KHDRBS2: variants seen among roughly 807,000 people sequenced by gnomAD.
KHDRBS2 encodes KH RNA binding domain containing, signal transduction associated 2.
A neutral mutation model predicts 44.3 loss-of-function variants in KHDRBS2; 26 were observed. That is an observed-to-expected ratio of 0.59 (90% CI 0.43 to 0.81). The LOEUF is 0.81. Among genes scored for constraint, KHDRBS2 ranks in the 40% least tolerant of loss-of-function variants. The probability of loss-of-function intolerance (pLI) is 0.00; values close to 1 mark genes in which losing one functional copy is unlikely to be tolerated. For synonymous variants in KHDRBS2, 194 were observed against 151.1 expected (o/e 1.28, Z -2.08); for missense variants, 476 against 433.1 (o/e 1.10, Z -0.88).
chr6:61,763,315 T>C (rs1779540870), intron 6 of KHDRBS2, among the ~76,000 whole-genome samples: 1 of 152,192 alleles, frequency 6.6e-6, no homozygotes, highest in African/African-American at 2.4e-5. Flanking sequence ...TAAACAAATG[T>C]TTATACATTA....
rs1802606770 is a variant in KHDRBS2, at chr6:61,894,742, C to G, written c.703G>C (p.Val235Leu). 6.2e-7 allele frequency: 1 copy of G among 1,613,588 alleles called. No individual in the cohort carries two copies. The highest frequency in any genetic ancestry group is 1.7e-5 in the Admixed American group (1 of 59,960). Residue 235 changes from valine to leucine, a missense_variant, in exon 6 of 9, where the codon GTG becomes CTG. By Grantham distance (32) the Val-to-Leu change is conservative. Coordinates refer to ENST00000281156, the MANE Select transcript of KHDRBS2 (RefSeq NM_152688.4). Reference sequence around the variant, plus strand: ...GGGACACCTCTTGCTACAGGTGGCACTGGAAGCGCTCCACGGGTTACAGTG... The same window carrying G: ...GGGACACCTCTTGCTACAGGTGGCAGTGGAAGCGCTCCACGGGTTACAGTG... The part of the protein sequence containing the change: ...GSTVTRGALP[V>L]PPVARGVPTP...
chr6:62,169,280 G>A (rs1819525485), intron 2 of KHDRBS2, among the ~76,000 whole-genome samples: 1 of 150,556 alleles, frequency 6.6e-6, no homozygotes, highest in South Asian at 2.1e-4. Context: ...GCAAAGCTGG[G>A]CTAACTCATA....
intron 6 of KHDRBS2, among the ~76,000 whole-genome samples, chr6:61,765,515 T>TA (rs1779877667): frequency 6.6e-6 from 1 of 152,146 alleles, no homozygotes; most frequent in African/African-American, 2.4e-5. Context: ...ATTCTTTTTT[T>TA]ATTTTTAATT....
At chr6:61,810,308 G>C (rs1447455117) in intron 6 of KHDRBS2, among the ~76,000 whole-genome samples, 1 of 151,980 alleles carries the variant, frequency 6.6e-6, no homozygotes, top group Non-Finnish European at 1.5e-5. Context: ...TCAGGCCCGA[G>C]GTTGATGTGT....
At chr6:62,150,063 C>T (rs765219) in intron 2 of KHDRBS2, among the ~76,000 whole-genome samples, 91,416 of 151,892 alleles carry the variant, frequency 0.6, 27,704 homozygotes, top group Non-Finnish European at 0.62. Context: ...GCTAATCTAC[C>T]TTTCTTCATT....
intron 4 of KHDRBS2, among the ~76,000 whole-genome samples, chr6:61,957,603 CTAATAATTTTT>C (rs1767687531): frequency 6.6e-6 from 1 of 152,126 alleles, no homozygotes; most frequent in African/African-American, 2.4e-5. Flanking sequence ...AAATTCCTGC[CTAATAATTTTT>C]GGTCAGACTG....
intron 6 of KHDRBS2, among the ~76,000 whole-genome samples, chr6:61,794,792 A>G (rs1040291663): frequency 6.6e-6 from 1 of 152,086 alleles, no homozygotes; most frequent in Non-Finnish European, 1.5e-5. Flanking sequence ...TCCCTCAATA[A>G]TGCTTAGTCA....
At chr6:61,886,018 C>G (rs1800900050) in intron 6 of KHDRBS2, among the ~76,000 whole-genome samples, 1 of 152,120 alleles carries the variant, frequency 6.6e-6, no homozygotes, top group Non-Finnish European at 1.5e-5. Context: ...GCCTGAATAC[C>G]TCCAATACCA....
intron 6 of KHDRBS2, among the ~76,000 whole-genome samples, chr6:61,856,594 CA>C (rs1796188510): frequency 6.7e-6 from 1 of 149,070 alleles, no homozygotes; most frequent in South Asian, 2.1e-4. Context: ...TTCTTATTTT[CA>C]AGATAAGTTT....
chr6:61,809,313 G>C (rs9294629), intron 6 of KHDRBS2, among the ~76,000 whole-genome samples: 1,872 of 152,232 alleles, frequency 0.012, 45 homozygotes, highest in African/African-American at 0.043. Context: ...TAGAAGAAAA[G>C]CTATTACTGC....
chr6:61,857,113 G>A (rs1314604914), intron 6 of KHDRBS2, among the ~76,000 whole-genome samples: 1 of 152,076 alleles, frequency 6.6e-6, no homozygotes, highest in Non-Finnish European at 1.5e-5. Flanking sequence ...GTGCCAAATA[G>A]ACTTTTATTA....
At chr6:62,079,055 C>T (rs1280963358) in intron 2 of KHDRBS2, among the ~76,000 whole-genome samples, 4 of 151,844 alleles carry the variant, frequency 2.6e-5, no homozygotes, top group African/African-American at 7.3e-5. Context: ...AAAAATTCAG[C>T]GGGACATATC....
chr6:61,843,287 A>C (rs553054314), intron 6 of KHDRBS2, among the ~76,000 whole-genome samples: 64 of 151,330 alleles, frequency 4.2e-4, no homozygotes, highest in African/African-American at 1.5e-3. Context: ...AATATATTAA[A>C]ATTTACCAAA....
intron 6 of KHDRBS2, among the ~76,000 whole-genome samples, chr6:61,824,753 T>C (rs1790567790): frequency 6.6e-6 from 1 of 152,184 alleles, no homozygotes; most frequent in South Asian, 2.1e-4. Flanking sequence ...TTTCTGTTTG[T>C]TATAGATAAC....
At chr6:62,057,845 C>A (rs1233086537) in intron 2 of KHDRBS2, among the ~76,000 whole-genome samples, 2 of 151,712 alleles carry the variant, frequency 1.3e-5, no homozygotes, top group Non-Finnish European at 2.9e-5. Flanking sequence ...TGTCTATTAA[C>A]CAAAATAATA....
intron 6 of KHDRBS2, among the ~76,000 whole-genome samples, chr6:61,849,018 C>A (rs1474783237): frequency 6.6e-6 from 1 of 151,920 alleles, no homozygotes; most frequent in Non-Finnish European, 1.5e-5. Context: ...CAACAGCTAC[C>A]CAAAGTTTTT....
intron 6 of KHDRBS2, among the ~76,000 whole-genome samples, chr6:61,740,334 A>G (rs1198741228): frequency 6.6e-6 from 1 of 151,984 alleles, no homozygotes; most frequent in African/African-American, 2.4e-5. Context: ...AGATCTAACT[A>G]AAGCACAAAA....
intron 1 of KHDRBS2, among the ~76,000 whole-genome samples, chr6:62,274,152 T>C (rs1840539111): frequency 6.6e-6 from 1 of 152,090 alleles, no homozygotes; most frequent in South Asian, 2.1e-4. Context: ...GTCAGGCTGG[T>C]CTTGAACTCC....
the KHDRBS2 span, among the ~76,000 whole-genome samples, chr6:61,559,000 C>T: frequency 6.6e-6 from 1 of 152,014 alleles, no homozygotes; most frequent in East Asian, 1.9e-4. Context: ...CTGTCCAGTG[C>T]TGAAAGTGTG....
Sources: allele counts gnomAD v4.1 joint callset (sites outside exome capture counted in the v4.1 genomes callset), GRCh38; gene constraint gnomAD v4.1.1; transcripts MANE v1.5; gene names NCBI Gene and HGNC (gene_info 2026-07-23, HGNC 2026-07-21).